The following R3HDM1 variants were observed in gnomAD, a reference collection of about 807,000 sequenced individuals.
R3HDM1 encodes R3H domain containing 1.
R3HDM1 carries 46 observed loss-of-function variants against 141.1 expected under a neutral mutation model. The observed-to-expected ratio is 0.33, with a 90% CI of 0.26 to 0.42. R3HDM1 has a LOEUF of 0.42. Ranked by LOEUF, R3HDM1 falls within the 10% of genes least tolerant of loss-of-function variation. The pLI is 1.00. For synonymous variants in R3HDM1, 435 were observed against 472.9 expected, an observed-to-expected ratio of 0.92 and a Z score of 1.04; for missense variants, 1,184 against 1,368.3, an observed-to-expected ratio of 0.87 and a Z score of 2.12.
intron 7 of R3HDM1, among the ~76,000 whole-genome samples, chr2:135,627,485 T>G (rs2062161821): frequency 6.6e-6 from 1 of 152,168 alleles, no homozygotes; most frequent in Admixed American, 6.5e-5. Flanking sequence ...TTAAATACAG[T>G]CATTAATAAA....
chr2:135,536,719 T>C (rs1429626766), intron 1 of R3HDM1: 1 of 982,018 alleles, frequency 1.0e-6, no homozygotes, highest in Non-Finnish European at 1.2e-6. Context: ...CAATTAACTT[T>C]GCTAACCTGT....
chr2:135,594,284 G>A (rs1710048123), intron 1 of R3HDM1, among the ~76,000 whole-genome samples: 1 of 151,990 alleles, frequency 6.6e-6, no homozygotes, highest in Admixed American at 6.6e-5. Flanking sequence ...TATTGATTTG[G>A]CATTTTAAAT....
chr2:135,598,791 T>G (rs567222609), intron 1 of R3HDM1, among the ~76,000 whole-genome samples: 1 of 152,300 alleles, frequency 6.6e-6, no homozygotes, highest in South Asian at 2.1e-4. Context: ...ATGGTAGTTG[T>G]TTGTATTCTT....
chr2:135,636,132 A>G lies in R3HDM1; in HGVS notation c.852A>G (p.Glu284=). The change falls in exon 11 of 27, where the codon GAA becomes GAG. Residue 284 remains glutamate, a synonymous_variant. Coordinates refer to ENST00000683871, the MANE Select transcript of R3HDM1 (RefSeq NM_001378107.1). ...ATGACAGAAGAAGCAAATCTATAGA[A>G]GAAAGAGAAGAAGAGTACCAGAGAG... ...LKDDRRSKSI[E]EREEEYQRAR... is the part of the protein sequence containing the mutation. The G allele has an allele frequency of 4.3e-6, 7 of 1,613,238 alleles. No homozygotes were observed. Among genetic ancestry groups the G allele is most frequent in the Non-Finnish European group, 5.9e-6 (7 of 1,179,544 alleles).
chr2:135,618,181 G>C (rs1370738164), intron 5 of R3HDM1, among the ~76,000 whole-genome samples: 1 of 97,856 alleles, frequency 1.0e-5, no homozygotes, highest in South Asian at 3.0e-4. Context: ...TTTTTTTTTT[G>C]AGACGGAGTT....
chr2:135,534,050 G>C (rs1374920117), intron 1 of R3HDM1: 2 of 983,096 alleles, frequency 2.0e-6, no homozygotes, highest in Non-Finnish European at 2.4e-6. Context: ...TTACTGAAGA[G>C]TACCATGGGT....
At chr2:135,634,336 C>A (rs899807097) in intron 9 of R3HDM1, among the ~76,000 whole-genome samples, 7 of 152,048 alleles carry the variant, frequency 4.6e-5, no homozygotes, top group African/African-American at 1.7e-4. Flanking sequence ...AATAAATGTT[C>A]AAAAGTATTA....
intron 1 of R3HDM1, among the ~76,000 whole-genome samples, chr2:135,553,322 C>A (rs1289153666): frequency 1.3e-5 from 2 of 152,130 alleles, no homozygotes; most frequent in Admixed American, 6.5e-5. Flanking sequence ...ACCCTCTGTT[C>A]CTTTTTTATA....
At chr2:135,566,881 A>C in intron 1 of R3HDM1, 2 of 510,954 alleles carry the variant, frequency 3.9e-6, no homozygotes, top group Non-Finnish European at 5.1e-6. Flanking sequence ...CTGGGGCAGA[A>C]GAATCACTTG....
chr2:135,549,382 C>G (rs573963767), intron 1 of R3HDM1, among the ~76,000 whole-genome samples: 2 of 152,026 alleles, frequency 1.3e-5, no homozygotes, highest in East Asian at 1.9e-4. Flanking sequence ...TGATGAAACC[C>G]TGTCTCTACT....
In R3HDM1 at chr2:135,675,478, A is replaced by C. The variant is rs1168956521; in HGVS notation, c.2299A>C (p.Thr767Pro). Residue 767 changes from threonine to proline, a missense_variant, in exon 20 of 27, where the codon ACA (threonine) becomes CCA (proline). Around this residue, in one of 5 missense-constraint regions of R3HDM1, gnomAD observed 563 missense variants for 562.0 expected, o/e 1.00. Coordinates refer to ENST00000683871, the MANE Select transcript of R3HDM1 (RefSeq NM_001378107.1). ...GVVIPYTSVP[T>P]YQVSLPQGSQ... The stretch of plus-strand genomic sequence containing the variant: ...GGTCATCCCCTATACTTCAGTGCCA[A>C]CATATCAGGTATATTGTCTCTTTTA... 3.1e-6 allele frequency: 5 copies of C among 1,612,834 alleles called. No individual in the cohort carries two copies. The highest frequency in any genetic ancestry group is 3.4e-6 in the Non-Finnish European group (4 of 1,179,228).
At chr2:135,588,573 T>C (rs1460068980) in intron 1 of R3HDM1, among the ~76,000 whole-genome samples, 1 of 152,164 alleles carries the variant, frequency 6.6e-6, no homozygotes, top group Non-Finnish European at 1.5e-5. Flanking sequence ...TAAACATGAT[T>C]TACTGTTTGC....
At chr2:135,672,060 C>T (rs2068460112) in intron 19 of R3HDM1, among the ~76,000 whole-genome samples, 2 of 151,804 alleles carry the variant, frequency 1.3e-5, no homozygotes, top group Non-Finnish European at 2.9e-5. Context: ...TGAGATGTGG[C>T]ATAAGAGAAT....
chr2:135,577,846 A>G (rs1191329060), intron 1 of R3HDM1, among the ~76,000 whole-genome samples: 1 of 151,562 alleles, frequency 6.6e-6, no homozygotes, highest in Non-Finnish European at 1.5e-5. Flanking sequence ...CTCAAAAAAA[A>G]AAAAAAAAAA....
At chr2:135,566,852 A>G (rs747149069) in intron 1 of R3HDM1, 7 of 773,414 alleles carry the variant, frequency 9.1e-6, no homozygotes, top group Non-Finnish European at 1.1e-5. Flanking sequence ...GGTACCTGTA[A>G]TCCCAGCTAC....
At chr2:135,581,843 T>C (rs948590060) in intron 1 of R3HDM1, among the ~76,000 whole-genome samples, 1 of 152,216 alleles carries the variant, frequency 6.6e-6, no homozygotes, top group African/African-American at 2.4e-5. Flanking sequence ...TTGTAAAATC[T>C]CTCAGTTTAT....
rs1031217854 is a variant in R3HDM1 at position 135,531,561 on chromosome 2, C to G, written c.-322C>G. On this transcript the variant is annotated 5_prime_UTR_variant, in exon 1 of 27. Transcript: ENST00000683871. ...TTAATTCCCTTTCGTAAGACTCTTA[C>G]TTGCACCCACCCAGCCCCGCCGTCG... The G allele has an allele frequency of 1.0e-6, 1 of 986,210 alleles. No homozygotes were observed. The highest frequency in any genetic ancestry group is 1.2e-6 in the Non-Finnish European group (1 of 830,376). The allele number at this position is 986,210 out of a possible 1,614,324, so 61.1% of individuals were successfully genotyped here.
chr2:135,623,531 T>C (rs986115934), intron 7 of R3HDM1, among the ~76,000 whole-genome samples: 5 of 152,232 alleles, frequency 3.3e-5, no homozygotes, highest in African/African-American at 1.2e-4. Flanking sequence ...CTTGATTTTC[T>C]GTTTCGTATT....
intron 7 of R3HDM1, among the ~76,000 whole-genome samples, chr2:135,628,766 C>T (rs1345034224): frequency 1.3e-5 from 2 of 152,070 alleles, no homozygotes; most frequent in African/African-American, 2.4e-5. Context: ...GCTGGGATTA[C>T]AGGCATGCGC....
Sources: allele counts gnomAD v4.1 joint callset (sites outside exome capture counted in the v4.1 genomes callset), GRCh38; gene constraint gnomAD v4.1.1; regional missense constraint gnomAD v4.1.1; transcripts MANE v1.5; gene names NCBI Gene and HGNC (gene_info 2026-07-23, HGNC 2026-07-21).